Variants in ZNG1B observed in about 807,000 individuals in gnomAD.
ZNG1B encodes zinc-regulated GTPase metalloprotein activator 1B.
At chr2:113,475,403 T>C in the ZNG1B span, among the ~76,000 whole-genome samples, 5 of 151,878 alleles carry the variant, frequency 3.3e-5, no homozygotes, top group South Asian at 2.1e-4. Flanking sequence ...GAGATGGGTT[T>C]CCTGAATACA....
chr2:113,473,389 G>C, the ZNG1B span, among the ~76,000 whole-genome samples: 1 of 147,508 alleles, frequency 6.8e-6, no homozygotes, highest in Non-Finnish European at 1.5e-5. Context: ...ATTTTGGGCT[G>C]AGATGATGGG....
chr2:113,446,608 G>A, the ZNG1B span, among the ~76,000 whole-genome samples: 1 of 149,408 alleles, frequency 6.7e-6, no homozygotes, highest in African/African-American at 2.5e-5. Flanking sequence ...CTAGCCAGGC[G>A]TTGTGGCGCA....
chr2:113,440,288 G>A, the ZNG1B span, among the ~76,000 whole-genome samples: 1 of 151,954 alleles, frequency 6.6e-6, no homozygotes, highest in African/African-American at 2.4e-5. Flanking sequence ...GAATGAATGA[G>A]CTATGTCTTA....
chr2:113,457,498 TTTTC>T, the ZNG1B span, among the ~76,000 whole-genome samples: 270 of 138,720 alleles, frequency 1.9e-3, no homozygotes, highest in African/African-American at 6.8e-3. Flanking sequence ...TAGTTTTTTC[TTTTC>T]TTTCTTTCTC....
the ZNG1B span, among the ~76,000 whole-genome samples, chr2:113,442,432 A>G: frequency 1.3e-5 from 2 of 152,212 alleles, no homozygotes; most frequent in Non-Finnish European, 2.9e-5. Flanking sequence ...CAGTTGTAAA[A>G]AGTAAAAGAG....
chr2:113,439,873 A>ATTTT, the ZNG1B span, among the ~76,000 whole-genome samples: 3 of 93,180 alleles, frequency 3.2e-5, no homozygotes, highest in Non-Finnish European at 4.5e-5. Context: ...CCCTTCCCTT[A>ATTTT]ATTTTTTTTT....
At chr2:113,459,152 T>G in the ZNG1B span, among the ~76,000 whole-genome samples, 15 of 145,666 alleles carry the variant, frequency 1.0e-4, no homozygotes, top group South Asian at 2.2e-4. Context: ...ATACAATACT[T>G]GTCAAGTTCT....
At chr2:113,438,000 C>T in the ZNG1B span, 1 of 1,611,952 alleles carries the variant, frequency 6.2e-7, no homozygotes, top group Non-Finnish European at 8.5e-7. Flanking sequence ...AGATCCCAGT[C>T]ACAATTATCA....
chr2:113,471,589 G>A, the ZNG1B span, among the ~76,000 whole-genome samples: 5 of 150,434 alleles, frequency 3.3e-5, no homozygotes, highest in Admixed American at 2.0e-4. Flanking sequence ...CCACTGACTC[G>A]TCATCTAGCA....
chr2:113,467,797 CA>C, the ZNG1B span, among the ~76,000 whole-genome samples: 10 of 131,362 alleles, frequency 7.6e-5, no homozygotes, highest in East Asian at 2.7e-3. Context: ...GATAACTTTC[CA>C]GGTATAAGGA....
At chr2:113,443,185 G>C in the ZNG1B span, among the ~76,000 whole-genome samples, 1 of 152,006 alleles carries the variant, frequency 6.6e-6, no homozygotes, top group African/African-American at 2.4e-5. Flanking sequence ...AGCGAGGATG[G>C]TCTCGATCTC....
chr2:113,471,934 A>T, the ZNG1B span, among the ~76,000 whole-genome samples: 4 of 142,288 alleles, frequency 2.8e-5, no homozygotes, highest in African/African-American at 1.0e-4. Context: ...ATAATGCCGC[A>T]ATAAACATAT....
the ZNG1B span, among the ~76,000 whole-genome samples, chr2:113,471,438 T>C: frequency 6.6e-6 from 1 of 150,858 alleles, no homozygotes; most frequent in African/African-American, 2.4e-5. Context: ...CTCTTCACTT[T>C]ATTTTTTTAT....
At chr2:113,450,314 T>C in the ZNG1B span, among the ~76,000 whole-genome samples, 1 of 143,372 alleles carries the variant, frequency 7.0e-6, no homozygotes, top group African/African-American at 2.6e-5. Context: ...TCGTATGTAT[T>C]CTAATTGCTT....
chr2:113,445,112 A>T, the ZNG1B span: 1 of 1,596,884 alleles, frequency 6.3e-7, no homozygotes, highest in Non-Finnish European at 8.6e-7. Flanking sequence ...CTGTAAATAG[A>T]TGTATTAGAG....
chr2:113,484,839 T>A, the ZNG1B span, among the ~76,000 whole-genome samples: 5 of 138,646 alleles, frequency 3.6e-5, no homozygotes, highest in African/African-American at 5.8e-5. Flanking sequence ...ATTTTTGTAT[T>A]TTTTTTTTTT....
the ZNG1B span, among the ~76,000 whole-genome samples, chr2:113,442,788 C>T: frequency 1.3e-5 from 2 of 152,148 alleles, no homozygotes; most frequent in Admixed American, 6.5e-5. Flanking sequence ...TAAAACTACT[C>T]GATTTTATGG....
At chr2:113,445,248 T>C in the ZNG1B span, 5 of 610,704 alleles carry the variant, frequency 8.2e-6, no homozygotes, top group African/African-American at 9.4e-5. Context: ...GAGTATTTCT[T>C]GGTACTTTTA....
the ZNG1B span, among the ~76,000 whole-genome samples, chr2:113,478,964 G>A: frequency 6.6e-6 from 1 of 151,786 alleles, no homozygotes; most frequent in Non-Finnish European, 1.5e-5. Flanking sequence ...TGAGAGATAC[G>A]TTTTTCACCT....
Sources: gnomAD v4.1 joint callset for allele counts (sites outside exome capture counted in the v4.1 genomes callset) on GRCh38, gnomAD v4.1.1 for gene constraint, MANE v1.5 for transcripts, NCBI Gene and HGNC (gene_info 2026-07-23, HGNC 2026-07-21) for gene names.